The following RGL1 variants were observed in gnomAD, a reference collection of about 807,000 sequenced individuals.
RGL1 encodes the protein ral guanine nucleotide dissociation stimulator-like 1.
RGL1 carries 24 observed loss-of-function variants against 95.2 expected under a neutral mutation model. The ratio of observed to expected loss-of-function variants is 0.25; its 90% CI spans 0.18 to 0.35. The LOEUF (loss-of-function observed/expected upper bound fraction) is 0.35, where lower values mean the gene tolerates loss of function less well. Among genes scored for constraint, RGL1 ranks in the 10% least tolerant of loss-of-function variants. The pLI is 1.00. For synonymous variants in RGL1, 329 were observed against 344.9 expected (o/e 0.95, Z 0.51); for missense variants, 715 against 936.3 (o/e 0.76, Z 3.08).
chr1:183,767,622 T>A (rs1659047705), intron 2 of RGL1, among the ~76,000 whole-genome samples: 1 of 152,182 alleles, frequency 6.6e-6, no homozygotes, highest in African/African-American at 2.4e-5. Context: ...GAAATTTGGC[T>A]CCATGCTAAA....
chr1:183,872,195 A>G (rs1304750184), intron 4 of RGL1, among the ~76,000 whole-genome samples: 1 of 152,216 alleles, frequency 6.6e-6, no homozygotes. Context: ...TCTAGGGCAG[A>G]TTTATTATAG....
chr1:183,700,675 T>C (rs1572294337), intron 1 of RGL1, among the ~76,000 whole-genome samples: 1 of 151,966 alleles, frequency 6.6e-6, no homozygotes, highest in Middle Eastern at 3.4e-3. Context: ...CCTCCTGAGT[T>C]GCTGGGATTA....
At chr1:183,826,318 T>C (rs575624041) in intron 2 of RGL1, among the ~76,000 whole-genome samples, 1 of 152,290 alleles carries the variant, frequency 6.6e-6, no homozygotes, top group African/African-American at 2.4e-5. Flanking sequence ...CCCCTAACCC[T>C]GCAACTCCCT....
intron 2 of RGL1, among the ~76,000 whole-genome samples, chr1:183,779,480 C>T (rs141612557): frequency 0.016 from 2,485 of 152,168 alleles, 66 homozygotes; most frequent in African/African-American, 0.057. Context: ...AACTCCTGAC[C>T]TCAAGTGATC....
At position 183,900,149 on chromosome 1, in the gene RGL1, G is replaced by A. The variant is rs1287893740; in HGVS notation, c.1231-1G>A. ...ACAGTTTTGCTTTGGATGCTCTTCA[G>A]GGTGTGATGCAGGGAACTGTGCCCT... On this transcript the variant is annotated splice_acceptor_variant, in intron 10 of 17. Transcript: ENST00000360851. LOFTEE classifies it high-confidence loss of function. The A allele has an allele frequency of 6.2e-7, 1 of 1,612,894 alleles. No homozygotes were observed. The highest frequency in any genetic ancestry group is 8.5e-7 in the Non-Finnish European group (1 of 1,178,992).
intron 1 of RGL1, among the ~76,000 whole-genome samples, chr1:183,725,141 C>T (rs1656240883): frequency 6.6e-6 from 1 of 152,156 alleles, no homozygotes. Context: ...CTGCAAGAGC[C>T]ACAGCGTTAC....
At chr1:183,793,645 C>T (rs1484323865) in intron 2 of RGL1, among the ~76,000 whole-genome samples, 1 of 151,680 alleles carries the variant, frequency 6.6e-6, no homozygotes, top group East Asian at 1.9e-4. Context: ...CAAAAAAAGA[C>T]ATACAATTTG....
At chr1:183,644,126 A>G (rs1213759608) in intron 1 of RGL1, among the ~76,000 whole-genome samples, 3 of 152,178 alleles carry the variant, frequency 2.0e-5, no homozygotes, top group Non-Finnish European at 4.4e-5. Flanking sequence ...TCCTAAATAA[A>G]TATGGATTCT....
chr1:183,713,578 T>C (rs1160039277), intron 1 of RGL1, among the ~76,000 whole-genome samples: 2 of 152,102 alleles, frequency 1.3e-5, no homozygotes, highest in African/African-American at 4.8e-5. Flanking sequence ...AGAACTCTGA[T>C]GAATGTGATT....
chr1:183,883,759 T>C (rs767217420), intron 5 of RGL1, 27 bp from the exon 6 acceptor site: 7 of 1,613,098 alleles, frequency 4.3e-6, no homozygotes, highest in Admixed American at 3.3e-5. Flanking sequence ...TGGCGCCAAA[T>C]TACTAATCTT....
intron 2 of RGL1, among the ~76,000 whole-genome samples, chr1:183,763,680 G>A (rs188843096): frequency 9.0e-4 from 137 of 152,276 alleles, no homozygotes; most frequent in African/African-American, 2.2e-3. Flanking sequence ...CTGTATTTCC[G>A]TTTCTTTATC....
chr1:183,904,711 A>C (rs542349235), intron 12 of RGL1, 139 bp from the exon 13 acceptor site: 1 of 822,302 alleles, frequency 1.2e-6, no homozygotes, highest in East Asian at 2.9e-5. Context: ...TTAAGGAAGC[A>C]GTATTTCAGA....
At chr1:183,709,904 C>G (rs919568593) in intron 1 of RGL1, 1 of 153,716 alleles carries the variant, frequency 6.5e-6, no homozygotes, top group African/African-American at 2.4e-5. Context: ...CCCTCTGGCA[C>G]CCATTCCTGG....
chr1:183,764,866 C>T (rs1005885172), intron 2 of RGL1, among the ~76,000 whole-genome samples: 2 of 152,156 alleles, frequency 1.3e-5, no homozygotes, highest in Non-Finnish European at 2.9e-5. Context: ...AGCATCAGTC[C>T]CACTATACTT....
At chr1:183,659,093 C>G (rs1318672401) in intron 1 of RGL1, among the ~76,000 whole-genome samples, 3 of 151,928 alleles carry the variant, frequency 2.0e-5, no homozygotes, top group Admixed American at 1.3e-4. Context: ...TAGATAAAAC[C>G]ACAAAGATGG....
chr1:183,723,449 C>T (rs1002601971), intron 1 of RGL1, among the ~76,000 whole-genome samples: 1 of 152,196 alleles, frequency 6.6e-6, no homozygotes, highest in Non-Finnish European at 1.5e-5. Flanking sequence ...CAGTGCCATC[C>T]CTCTCTGGTT....
intron 2 of RGL1, among the ~76,000 whole-genome samples, chr1:183,817,975 A>T (rs1306997171): frequency 6.6e-6 from 1 of 152,218 alleles, no homozygotes; most frequent in Non-Finnish European, 1.5e-5. Flanking sequence ...GTGTTTCCTC[A>T]TGAACATTCT....
chr1:183,801,970 A>G (rs920584273), upstream of RGL1, among the ~76,000 whole-genome samples: 3 of 152,208 alleles, frequency 2.0e-5, no homozygotes, highest in Non-Finnish European at 2.9e-5. Context: ...CCTACCTCCA[A>G]CACTGGGGAT....
At chr1:183,801,011 A>G (rs1660954078), upstream of RGL1, among the ~76,000 whole-genome samples, 2 of 148,240 alleles carry the variant, frequency 1.3e-5, no homozygotes, top group Admixed American at 1.4e-4. Context: ...TGAGATTGCT[A>G]GACTATATGG....
Sources: gnomAD v4.1 joint callset for allele counts (sites outside exome capture counted in the v4.1 genomes callset) on GRCh38, gnomAD v4.1.1 for gene constraint, MANE v1.5 for transcripts, NCBI Gene and HGNC (gene_info 2026-07-23, HGNC 2026-07-21) for gene names.